Variants in RASAL2 observed in about 807,000 individuals in gnomAD.
The protein encoded by RASAL2 is ras GTPase-activating protein nGAP.
A neutral mutation model predicts 128.9 loss-of-function variants in RASAL2; 58 were observed. That is an observed-to-expected ratio of 0.45 (90% confidence interval 0.36 to 0.56). The LOEUF (loss-of-function observed/expected upper bound fraction) is 0.56. RASAL2 is among the 20% of genes least tolerant of loss of function. The probability of loss-of-function intolerance (pLI) is 0.00; values close to 1 mark genes in which losing one functional copy is unlikely to be tolerated. For synonymous variants in RASAL2, 561 were observed against 580.8 expected (o/e 0.97, Z 0.49); for missense variants, 1,360 against 1,601.6 (o/e 0.85, Z 2.57).
At chr1:178,193,720 A>G (rs565949834) in intron 1 of RASAL2, among the ~76,000 whole-genome samples, 17 of 152,202 alleles carry the variant, frequency 1.1e-4, no homozygotes, top group Admixed American at 9.8e-4. Context: ...AAACACTTAG[A>G]TTGCCTCATA....
chr1:178,222,899 T>C (rs2102006382), intron 1 of RASAL2, among the ~76,000 whole-genome samples: 1 of 152,290 alleles, frequency 6.6e-6, no homozygotes, highest in South Asian at 2.1e-4. Flanking sequence ...CACATTATTC[T>C]TTTTTCCTTT....
intron 3 of RASAL2, among the ~76,000 whole-genome samples, chr1:178,359,409 C>G (rs1449961951): frequency 1.3e-5 from 2 of 152,096 alleles, no homozygotes; most frequent in South Asian, 4.1e-4. Flanking sequence ...AGCCAGGAAA[C>G]TTAAATATAG....
chr1:178,183,619 G>A (rs972466078), intron 1 of RASAL2, among the ~76,000 whole-genome samples: 4 of 152,150 alleles, frequency 2.6e-5, no homozygotes, highest in Non-Finnish European at 5.9e-5. Context: ...CTCCTTTCAT[G>A]TAGTAATATG....
rs576858201 is a variant in RASAL2 at position 178,332,533 on chromosome 1, G to A, written c.457+32415G>A. On this transcript the variant is annotated intron_variant, in intron 3 of 17. Coordinates refer to ENST00000367649, the MANE Select transcript of RASAL2 (RefSeq NM_170692.4). ...AAAAACCTGTATTCTCAAAATCAAT[G>A]TTGTGGCCTGACACTTTGCCAGTCA... is the stretch of plus-strand genomic sequence containing the variant. Among the ~76,000 whole-genome samples the A allele has an allele frequency of 3.0e-4, 45 of 151,676 alleles. No individual in the cohort carries two copies. The South Asian group carries it at 6.9e-3, about 23-fold the overall frequency.
chr1:178,168,966 A>G (rs1002495912), intron 1 of RASAL2, among the ~76,000 whole-genome samples: 2 of 152,110 alleles, frequency 1.3e-5, no homozygotes, highest in Non-Finnish European at 2.9e-5. Context: ...TTTATGTAAC[A>G]TTGAAGATGT....
At chr1:178,344,043 T>G (rs191708753) in intron 3 of RASAL2, among the ~76,000 whole-genome samples, 26 of 152,290 alleles carry the variant, frequency 1.7e-4, no homozygotes, top group African/African-American at 5.8e-4. Flanking sequence ...AACTCTCATA[T>G]GTATGTGAAA....
intron 3 of RASAL2, among the ~76,000 whole-genome samples, chr1:178,329,848 A>G (rs1254082162): frequency 1.4e-5 from 2 of 147,568 alleles, no homozygotes; most frequent in Non-Finnish European, 3.0e-5. Context: ...CCTGTCTCTT[A>G]AAAAAAAAAG....
chr1:178,466,834 G>GT (rs1647754781), intron 16 of RASAL2, among the ~76,000 whole-genome samples: 1 of 152,160 alleles, frequency 6.6e-6, no homozygotes, highest in Non-Finnish European at 1.5e-5. Context: ...TTAATAGTGT[G>GT]GAGGTAATTG....
intron 1 of RASAL2, among the ~76,000 whole-genome samples, chr1:178,127,362 A>G (rs1331620275): frequency 6.6e-6 from 1 of 152,224 alleles, no homozygotes; most frequent in Non-Finnish European, 1.5e-5. Context: ...ATTCTGAAAT[A>G]GAAGCGTTTA....
intron 3 of RASAL2, among the ~76,000 whole-genome samples, chr1:178,373,188 C>G (rs1319964229): frequency 6.8e-6 from 1 of 148,116 alleles, no homozygotes; most frequent in East Asian, 2.0e-4. Context: ...CAAAAGTTAT[C>G]TCTACTATTA....
At chr1:178,115,314 A>T (rs1263413369) in intron 1 of RASAL2, among the ~76,000 whole-genome samples, 1 of 152,202 alleles carries the variant, frequency 6.6e-6, no homozygotes, top group African/African-American at 2.4e-5. Context: ...ATCCTTAATG[A>T]TGTTACCTCT....
chr1:178,169,708 G>C (rs1459148368), intron 1 of RASAL2, among the ~76,000 whole-genome samples: 1 of 151,974 alleles, frequency 6.6e-6, no homozygotes, highest in Non-Finnish European at 1.5e-5. Flanking sequence ...CATATGCTGA[G>C]TTCTGAATGT....
At chr1:178,313,004 C>T (rs1668332832) in intron 3 of RASAL2, among the ~76,000 whole-genome samples, 3 of 152,242 alleles carry the variant, frequency 2.0e-5, no homozygotes, top group Non-Finnish European at 4.4e-5. Flanking sequence ...GGTGAAGTAA[C>T]TTGCCTAAAT....
At chr1:178,125,175 A>G (rs1356281050) in intron 1 of RASAL2, among the ~76,000 whole-genome samples, 1 of 152,184 alleles carries the variant, frequency 6.6e-6, no homozygotes, top group Admixed American at 6.5e-5. Flanking sequence ...CATTTTGGCC[A>G]ATTTCTGTGG....
chr1:178,362,902 T>G (rs1406354026), intron 3 of RASAL2, among the ~76,000 whole-genome samples: 1 of 152,202 alleles, frequency 6.6e-6, no homozygotes, highest in African/African-American at 2.4e-5. Flanking sequence ...ATAGTTTCTT[T>G]ATTCGTCAAC....
intron 1 of RASAL2, among the ~76,000 whole-genome samples, chr1:178,158,368 A>G (rs1339884340): frequency 6.6e-6 from 1 of 152,184 alleles, no homozygotes; most frequent in African/African-American, 2.4e-5. Context: ...AAAATAGGAA[A>G]AATATTATTT....
Position 178,466,004 on chromosome 1 carries a change from C to G in RASAL2, c.3472C>G (p.Gln1158Glu), listed in dbSNP as rs1388818214. 6.4e-7 allele frequency: 1 copy of G among 1,565,004 alleles called. No individual in the cohort carries two copies. Among genetic ancestry groups the G allele is most frequent in the Non-Finnish European group, 8.7e-7 (1 of 1,153,578 alleles). ...GGAATATGAACGCCGCTTGCTGGTG[C>G]AGGAGCAGCAGATGCAGAAGCTGCT... is the stretch of plus-strand genomic sequence containing the variant. ...LEEYERRLLV[Q>E]EQQMQKLLLE... Residue 1158 changes from glutamine (Q) to glutamate (E), a missense_variant, in exon 16 of 18, where the codon CAG (glutamine) becomes GAG (glutamate). This residue lies in a region of RASAL2 where 741 missense variants were observed against 868.6 expected (regional missense o/e 0.85). Coordinates refer to ENST00000367649, the MANE Select transcript of RASAL2 (RefSeq NM_170692.4).
At chr1:178,095,522 C>T (rs76102146) in intron 1 of RASAL2, among the ~76,000 whole-genome samples, 11,242 of 152,230 alleles carry the variant, frequency 0.074, 478 homozygotes, top group Middle Eastern at 0.095. Context: ...CACGTGACTG[C>T]AGAAGACATT....
intron 3 of RASAL2, among the ~76,000 whole-genome samples, chr1:178,363,301 T>G (rs772958931): frequency 1.7e-4 from 26 of 152,326 alleles, no homozygotes; most frequent in Non-Finnish European, 3.2e-4. Context: ...TTGGCCATTT[T>G]TATGTCTTTT....
Sources: gnomAD v4.1 joint callset for allele counts (sites outside exome capture counted in the v4.1 genomes callset) on GRCh38, gnomAD v4.1.1 for gene constraint, gnomAD v4.1.1 regional missense constraint, MANE v1.5 for transcripts, NCBI Gene and HGNC (gene_info 2026-07-23, HGNC 2026-07-21) for gene names.